Variants in CNKSR3 observed in about 807,000 individuals in gnomAD.
CNKSR3 encodes connector enhancer of kinase suppressor of ras 3.
CNKSR3 carries 36 observed loss-of-function variants against 67.7 expected under a neutral mutation model. The ratio of observed to expected loss-of-function variants is 0.53; its 90% CI spans 0.41 to 0.70. CNKSR3 has a LOEUF of 0.70. Ranked by LOEUF, CNKSR3 falls within the 30% of genes least tolerant of loss-of-function variation. The pLI is 0.00. For missense variants in CNKSR3, 630 were observed against 695.2 expected (o/e 0.91, Z 1.05); for synonymous variants, 281 against 271.4 (o/e 1.04, Z -0.35).
chr6:154,509,583 G>A (rs62432730), intron 1 of CNKSR3, among the ~76,000 whole-genome samples: 21,039 of 152,096 alleles, frequency 0.14, 1,663 homozygotes, highest in Middle Eastern at 0.18. Flanking sequence ...CGGACCCGCC[G>A]GAGTCTCCCT....
chr6:154,484,941 C>T (rs926035105), intron 1 of CNKSR3, among the ~76,000 whole-genome samples: 1 of 152,202 alleles, frequency 6.6e-6, no homozygotes, highest in African/African-American at 2.4e-5. Flanking sequence ...CTACTGACCT[C>T]CCTGTCTCAG....
chr6:154,449,749 T>G lies in CNKSR3; in HGVS notation c.216+346A>C, dbSNP rs540229376. Among the ~76,000 whole-genome samples the G allele has an allele frequency of 1.5e-4, 23 of 152,354 alleles. No homozygotes were observed. In the East Asian group the frequency reaches 4.4e-3, roughly 29 times the overall value. ...TGTAAAGGACAAGTTAATAAATATTTTAGGCTTTGGGGGAACCATGTGGTC... is the reference window on the plus strand; with the variant it reads ...TGTAAAGGACAAGTTAATAAATATTGTAGGCTTTGGGGGAACCATGTGGTC... On this transcript the variant is annotated intron_variant, in intron 2 of 12. Coordinates refer to ENST00000607772, the MANE Select transcript of CNKSR3 (RefSeq NM_173515.4).
At chr6:154,418,402 C>T (rs1200142968) in intron 9 of CNKSR3, among the ~76,000 whole-genome samples, 1 of 152,170 alleles carries the variant, frequency 6.6e-6, no homozygotes, top group Non-Finnish European at 1.5e-5. Flanking sequence ...CGCCCTTCCC[C>T]GATGGTGGTC....
rs747800145 is a variant in CNKSR3, at chr6:154,510,135, G to C, written c.-21C>G. 1.9e-6 allele frequency: 3 copies of C among 1,613,916 alleles called. No individual in the cohort carries two copies. Among genetic ancestry groups the C allele is most frequent in the Non-Finnish European group, 2.5e-6 (3 of 1,179,876 alleles). ...TCCATGGTAAACCGCTTCGCCTCTC[G>C]CTGGGCTGGAGAGTCGCAGATAAAG... is the stretch of plus-strand genomic sequence containing the variant. On this transcript the variant is annotated 5_prime_UTR_variant, in exon 1 of 13. Coordinates refer to ENST00000607772, the MANE Select transcript of CNKSR3 (RefSeq NM_173515.4).
chr6:154,485,718 A>G (rs1030841751), intron 1 of CNKSR3, among the ~76,000 whole-genome samples: 6 of 152,198 alleles, frequency 3.9e-5, no homozygotes, highest in Admixed American at 2.6e-4. Context: ...AAGTCCCTTG[A>G]GAAGTTTGAG....
At chr6:154,481,230 T>G (rs544769954) in intron 1 of CNKSR3, among the ~76,000 whole-genome samples, 1 of 152,274 alleles carries the variant, frequency 6.6e-6, no homozygotes, top group South Asian at 2.1e-4. Context: ...ATATTTGATA[T>G]TTATTTGGCT....
At chr6:154,459,103 G>C (rs7754812) in intron 1 of CNKSR3, among the ~76,000 whole-genome samples, 2,996 of 146,670 alleles carry the variant, frequency 0.02, 99 homozygotes, top group African/African-American at 0.071. Context: ...AAAAGAAAGA[G>C]AGAAAGAAAG....
At chr6:154,414,159 A>C in intron 10 of CNKSR3, 140 bp downstream of exon 10, 1 of 833,572 alleles carries the variant, frequency 1.2e-6, no homozygotes, top group Middle Eastern at 3.5e-4. Flanking sequence ...GGCTGATCAT[A>C]CTTTTAACGG....
intron 12 of CNKSR3, among the ~76,000 whole-genome samples, chr6:154,408,369 C>T (rs1436895314): frequency 1.3e-5 from 2 of 152,158 alleles, no homozygotes; most frequent in Non-Finnish European, 2.9e-5. Flanking sequence ...AATGTAAATA[C>T]AGGAACAACT....
chr6:154,468,430 AC>A (rs1786255714), intron 1 of CNKSR3, among the ~76,000 whole-genome samples: 1 of 143,578 alleles, frequency 7.0e-6, no homozygotes, highest in Admixed American at 6.8e-5. Context: ...ACACACACAC[AC>A]ACCATGACCA....
intron 1 of CNKSR3, among the ~76,000 whole-genome samples, chr6:154,481,129 T>G (rs1256994890): frequency 2.6e-5 from 4 of 152,158 alleles, no homozygotes; most frequent in Non-Finnish European, 4.4e-5. Context: ...TATTTATTTG[T>G]GCTTGTTTGA....
In CNKSR3 at chr6:154,389,648, C is replaced by T. The variant is rs578002065; in HGVS notation, c.*16706G>A. 9 of 149,712 alleles carry T rather than the reference C, an allele frequency of 6.0e-5. No individual in the cohort carries two copies. Among genetic ancestry groups the T allele is most frequent in the African/African-American group, 1.0e-4 (4 of 40,104 alleles). The allele number at this position is 149,712 out of a possible 1,614,324, so 9.3% of individuals were successfully genotyped here. ...AGATGACATCGTCTCATATATAGAA[C>T]GCCCTAAGACTCCATTTTTTAAACA... On this transcript the variant is annotated 3_prime_UTR_variant, in exon 13 of 13. Transcript: ENST00000607772.
At chr6:154,441,751 C>CAA (rs377116331) in intron 3 of CNKSR3, among the ~76,000 whole-genome samples, 7 of 149,202 alleles carry the variant, frequency 4.7e-5, no homozygotes, top group South Asian at 4.2e-4. Context: ...AAAAACAAAA[C>CAA]AAAACAAAAA....
intron 1 of CNKSR3, among the ~76,000 whole-genome samples, chr6:154,471,788 T>C (rs184542806): frequency 6.6e-6 from 1 of 152,254 alleles, no homozygotes; most frequent in African/African-American, 2.4e-5. Context: ...CTCTTTACTA[T>C]CCCAGGCACC....
chr6:154,443,977 G>T (rs1019440141), intron 2 of CNKSR3, among the ~76,000 whole-genome samples: 2 of 152,138 alleles, frequency 1.3e-5, no homozygotes, highest in African/African-American at 4.8e-5. Context: ...TACTGTCCTA[G>T]ACTCCTTTTC....
chr6:154,415,686 T>C (rs976161704), intron 9 of CNKSR3, among the ~76,000 whole-genome samples: 4 of 152,230 alleles, frequency 2.6e-5, no homozygotes, highest in Non-Finnish European at 4.4e-5. Context: ...TGCTTTCCCA[T>C]AGAAAATACA....
At chr6:154,426,634 C>T (rs935537236) in intron 7 of CNKSR3, among the ~76,000 whole-genome samples, 3 of 152,102 alleles carry the variant, frequency 2.0e-5, no homozygotes, top group African/African-American at 4.8e-5. Flanking sequence ...GGATTACAGG[C>T]GTGAGCCACC....
At chr6:154,450,538 C>T (rs1785806150) in intron 1 of CNKSR3, among the ~76,000 whole-genome samples, 1 of 152,212 alleles carries the variant, frequency 6.6e-6, no homozygotes, top group African/African-American at 2.4e-5. Context: ...CCCCTGTTGA[C>T]TTAAAATGCT....
intron 10 of CNKSR3, among the ~76,000 whole-genome samples, chr6:154,413,149 C>CACA (rs930562322): frequency 5.6e-5 from 8 of 141,740 alleles, no homozygotes; most frequent in African/African-American, 2.0e-4. Flanking sequence ...TACACACACA[C>CACA]ACACACACAC....
Sources: allele counts gnomAD v4.1 joint callset (sites outside exome capture counted in the v4.1 genomes callset), GRCh38; gene constraint gnomAD v4.1.1; transcripts MANE v1.5; gene names NCBI Gene and HGNC (gene_info 2026-07-23, HGNC 2026-07-21).